The following UGT1A9 variants were observed in gnomAD, a reference collection of about 807,000 sequenced individuals.
The protein encoded by UGT1A9 is UDP glucuronosyltransferase family 1 member A9.
In UGT1A9, 35 loss-of-function variants were observed where a neutral mutation model predicts 45.0. That is an observed-to-expected ratio of 0.78 (90% CI 0.59 to 1.03). The LOEUF (loss-of-function observed/expected upper bound fraction) is 1.03, where lower values mean the gene tolerates loss of function less well. UGT1A9 is among the 50% of genes least tolerant of loss of function. The pLI is 0.00. For missense variants in UGT1A9, 687 were observed against 666.6 expected (o/e 1.03, Z -0.34); for synonymous variants, 278 against 250.6 (o/e 1.11, Z -1.03).
chr2:233,730,153 G>T (rs1158500294), intron 1 of UGT1A9, among the ~76,000 whole-genome samples: 1 of 152,204 alleles, frequency 6.6e-6, no homozygotes, highest in East Asian at 1.9e-4. Flanking sequence ...CTGTTAAGGG[G>T]TCTCTAGTAG....
chr2:233,723,002 G>A (rs1315511515), intron 1 of UGT1A9, among the ~76,000 whole-genome samples: 4 of 146,840 alleles, frequency 2.7e-5, no homozygotes, highest in Non-Finnish European at 4.5e-5. Context: ...GGCAGAGGCA[G>A]AAGAGGATGA....
At position 233,768,260 on chromosome 2, in the gene UGT1A9, C is replaced by T; in HGVS notation, c.1116C>T (p.Ser372=). The T allele has an allele frequency of 6.2e-7, 1 of 1,614,136 alleles. No individual in the cohort carries two copies. Among genetic ancestry groups the T allele is most frequent in the Non-Finnish European group, 8.5e-7 (1 of 1,180,024 alleles). The change falls in exon 4 of 5, where the codon TCC becomes TCT. Residue 372 remains serine, a synonymous_variant. Transcript: ENST00000354728. ...MTRAFITHAG[S]HGVYESICNG... Reference sequence around the variant, plus strand: ...GTGCCTTTATCACCCATGCTGGTTCCCATGGTGTTTATGAAAGCATATGCA... The same window carrying T: ...GTGCCTTTATCACCCATGCTGGTTCTCATGGTGTTTATGAAAGCATATGCA...
chr2:233,720,021 T>A (rs1332952782), intron 1 of UGT1A9, among the ~76,000 whole-genome samples: 2 of 151,934 alleles, frequency 1.3e-5, no homozygotes, highest in African/African-American at 4.8e-5. Context: ...CATCCTGGGG[T>A]TTTTGCTTGC....
At chr2:233,718,330 T>A (rs2076647730) in intron 1 of UGT1A9, among the ~76,000 whole-genome samples, 1 of 152,162 alleles carries the variant, frequency 6.6e-6, no homozygotes, top group African/African-American at 2.4e-5. Flanking sequence ...GGCTTAGCAA[T>A]GTTGTATGTC....
intron 1 of UGT1A9, among the ~76,000 whole-genome samples, chr2:233,709,542 T>C (rs1011776342): frequency 6.6e-6 from 1 of 152,178 alleles, no homozygotes; most frequent in Admixed American, 6.5e-5. Context: ...CTGTGATATA[T>C]GTAAGTACTT....
intron 1 of UGT1A9, chr2:233,681,781 T>C (rs1344612316): frequency 1.1e-6 from 1 of 931,366 alleles, no homozygotes. Flanking sequence ...TCATGTATTA[T>C]TATGAGTAAA....
intron 1 of UGT1A9, among the ~76,000 whole-genome samples, chr2:233,679,076 C>A (rs1041431725): frequency 3.3e-5 from 5 of 152,300 alleles, no homozygotes; most frequent in African/African-American, 9.6e-5. Flanking sequence ...GTATTGACAA[C>A]CTTTTCCATA....
At chr2:233,767,802 T>C in intron 2 of UGT1A9, 47 bp from the exon 3 acceptor site, 1 of 1,614,174 alleles carries the variant, frequency 6.2e-7, no homozygotes, top group East Asian at 2.2e-5. Flanking sequence ...TGTTTTCTAA[T>C]CATATTATGT....
rs1202256185 is a variant in UGT1A9 at position 233,672,330 on chromosome 2, A to T, written c.396A>T (p.Lys132Asn). 2 of 1,614,006 alleles carry T rather than the reference A, an allele frequency of 1.2e-6. No homozygotes were observed. The highest frequency in any genetic ancestry group is 1.7e-5 in the Admixed American group (1 of 59,986). Residue 132 changes from lysine (K) to asparagine (N), a missense_variant, in exon 1 of 5, where the codon AAA (lysine) becomes AAT (asparagine). Physicochemically the swap from Lys to Asn is moderately conservative, Grantham distance 94 (BLOSUM62 0). Coordinates refer to ENST00000354728, the MANE Select transcript of UGT1A9 (RefSeq NM_021027.3). ...GCAGGAGTTTGTTTAAAGACAAAAAATTAGTAGAATACTTAAAGGAGAGTT... is the reference window on the plus strand; with the variant it reads ...GCAGGAGTTTGTTTAAAGACAAAAATTTAGTAGAATACTTAAAGGAGAGTT... ...SNCRSLFKDK[K>N]LVEYLKESSF... is the part of the protein sequence containing the mutation.
At chr2:233,738,133 A>G (rs1397029261) in intron 1 of UGT1A9, among the ~76,000 whole-genome samples, 2 of 152,126 alleles carry the variant, frequency 1.3e-5, no homozygotes, top group African/African-American at 2.4e-5. Flanking sequence ...AGGGGCCCTT[A>G]TCCCTTCACT....
chr2:233,677,079 A>G (rs1311557264), intron 1 of UGT1A9, among the ~76,000 whole-genome samples: 1 of 152,200 alleles, frequency 6.6e-6, no homozygotes, highest in Non-Finnish European at 1.5e-5. Flanking sequence ...TAATGTGTGC[A>G]AAAATCCTGC....
At chr2:233,685,873 A>G (rs548978160) in intron 1 of UGT1A9, among the ~76,000 whole-genome samples, 1 of 152,360 alleles carries the variant, frequency 6.6e-6, no homozygotes, top group African/African-American at 2.4e-5. Flanking sequence ...ACCTAAGACA[A>G]TCAATAATTC....
intron 1 of UGT1A9, among the ~76,000 whole-genome samples, chr2:233,717,134 A>G (rs2076550846): frequency 6.6e-6 from 1 of 152,112 alleles, no homozygotes; most frequent in African/African-American, 2.4e-5. Context: ...ATAGAACACC[A>G]CTACATGGAA....
In UGT1A9 at chr2:233,756,630, T is replaced by C. The variant is rs563087338; in HGVS notation, c.856-10404T>C. On this transcript the variant is annotated intron_variant, in intron 1 of 4. Transcript: ENST00000354728. ...CATTAAGACTTGCAGGCCGTGTGTA[T>C]AGCACTGGGGATAAACATGGGATGC... Among the ~76,000 whole-genome samples the C allele has an allele frequency of 2.1e-3, 314 of 152,296 alleles. 12 individuals carry two copies. In the South Asian group the frequency reaches 0.063, roughly 31 times the overall value.
intron 1 of UGT1A9, among the ~76,000 whole-genome samples, chr2:233,745,707 T>C (rs1693180198): frequency 6.9e-6 from 1 of 145,768 alleles, no homozygotes; most frequent in African/African-American, 2.6e-5. Flanking sequence ...CAACAAGTGA[T>C]CCAGAATGGC....
chr2:233,682,291 C>T (rs773715272), intron 1 of UGT1A9: 20 of 1,614,018 alleles, frequency 1.2e-5, no homozygotes, highest in African/African-American at 2.7e-5. Context: ...GTATTTTTGA[C>T]TTATTTTTTT....
At position 233,725,191 on chromosome 2, in the gene UGT1A9, C is replaced by G. The variant is rs191532024; in HGVS notation, c.856-41843C>G. ...GGGAGACCGTGGGGAGAGGCAGAGG[C>G]AGAGGCAGAGGCAGAGGCAGAGGCA... On this transcript the variant is annotated intron_variant, in intron 1 of 4. Coordinates refer to ENST00000354728, the MANE Select transcript of UGT1A9 (RefSeq NM_021027.3). 5.0e-3 allele frequency among the ~76,000 whole-genome samples: 361 copies of G among 72,876 alleles called. 32 individuals carry two copies. The highest frequency in any genetic ancestry group is 0.021 in the African/African-American group (183 of 8,670). 47.8% of individuals were successfully genotyped at this position (72,876 alleles called of 152,430 possible).
intron 1 of UGT1A9, among the ~76,000 whole-genome samples, chr2:233,758,187 G>A (rs1223519403): frequency 6.6e-6 from 1 of 152,214 alleles, no homozygotes; most frequent in African/African-American, 2.4e-5. Context: ...ATATTAATTG[G>A]ATTGCTTAGT....
chr2:233,765,443 C>A (rs1381375490), intron 1 of UGT1A9, among the ~76,000 whole-genome samples: 1 of 152,114 alleles, frequency 6.6e-6, no homozygotes, highest in Non-Finnish European at 1.5e-5. Flanking sequence ...GGAATGAGAT[C>A]ATATTCTTTG....
Sources: allele counts gnomAD v4.1 joint callset (sites outside exome capture counted in the v4.1 genomes callset), GRCh38; gene constraint gnomAD v4.1.1; transcripts MANE v1.5; gene names NCBI Gene and HGNC (gene_info 2026-07-23, HGNC 2026-07-21).